The following IL1RAPL2 variants were observed in gnomAD, a reference collection of about 807,000 sequenced individuals.
IL1RAPL2 encodes the protein X-linked interleukin-1 receptor accessory protein-like 2.
A neutral mutation model predicts 44.1 loss-of-function variants in IL1RAPL2; 3 were observed. The observed-to-expected ratio is 0.07, with a 90% CI of 0.03 to 0.18. The LOEUF (loss-of-function observed/expected upper bound fraction) is 0.18. IL1RAPL2 is among the 10% of genes least tolerant of loss of function. IL1RAPL2 has a pLI of 1.00. For missense variants in IL1RAPL2, 391 were observed against 496.4 expected (o/e 0.79, Z 2.02); for synonymous variants, 181 against 178.8 (o/e 1.01, Z -0.10).
intron 5 of IL1RAPL2, among the ~76,000 whole-genome samples, chrX:105,273,916 AAAACTT>A (rs2034466098): frequency 8.9e-6 from 1 of 111,894 alleles, no homozygotes; most frequent in Non-Finnish European, 1.9e-5. Context: ...GAAATAAACT[AAAACTT>A]AGGTGAAATG....
chrX:105,530,042 C>A (rs2036621809), intron 6 of IL1RAPL2, among the ~76,000 whole-genome samples: 1 of 112,021 alleles, frequency 8.9e-6, no homozygotes, highest in South Asian at 3.7e-4. Context: ...GTGCAAATAT[C>A]TATTCTAGTC....
chrX:104,574,382 C>T (rs1363601413), intron 1 of IL1RAPL2, among the ~76,000 whole-genome samples: 3 of 110,577 alleles, frequency 2.7e-5, no homozygotes, highest in African/African-American at 1.0e-4. Flanking sequence ...ATAGTTTTCA[C>T]ATATCAGATT....
At position 105,379,442 on chromosome X, in the gene IL1RAPL2, A is replaced by G. The variant is rs190416137; in HGVS notation, c.698-104871A>G. ...AGATTGGAGCTGTAAGCAATGAAGT[A>G]AAAGTAAAAGAGATGAACATGAAAC... On this transcript the variant is annotated intron_variant, in intron 5 of 10. Transcript: ENST00000372582. Among the ~76,000 whole-genome samples, 23 of 112,108 alleles carry G rather than the reference A, an allele frequency of 2.1e-4. No homozygotes were observed. In the Admixed American group the frequency reaches 2.2e-3, roughly 11 times the overall value.
Position 105,483,017 on chromosome X carries a change from C to T in IL1RAPL2, c.698-1296C>T, listed in dbSNP as rs890870347. ...ACTGAGTCCTCTCATTTCTTTCTTC[C>T]AGGTGCCTCTCAGATTTGTCCTCTC... On this transcript the variant is annotated intron_variant, in intron 5 of 10. Coordinates refer to ENST00000372582, the MANE Select transcript of IL1RAPL2 (RefSeq NM_017416.2). Among the ~76,000 whole-genome samples, 3 of 107,119 alleles carry T rather than the reference C, an allele frequency of 2.8e-5. 1 individual carries two copies. In the South Asian group the frequency reaches 1.3e-3, roughly 45 times the overall value. The allele number at this position is 107,119 out of a possible 115,157, so 93.0% of individuals were successfully genotyped here.
intron 6 of IL1RAPL2, among the ~76,000 whole-genome samples, chrX:105,530,721 C>A (rs955638413): frequency 9.0e-5 from 9 of 99,867 alleles, no homozygotes; most frequent in Non-Finnish European, 1.4e-4. Flanking sequence ...TCCCTTCCCC[C>A]CCGCCCCCAC....
chrX:105,702,193 C>A (rs1234583649), intron 6 of IL1RAPL2, among the ~76,000 whole-genome samples: 1 of 111,450 alleles, frequency 9.0e-6, no homozygotes, highest in African/African-American at 3.3e-5. Flanking sequence ...GTGTATTTGA[C>A]TGCAGAAAAA....
At position 105,213,356 on chromosome X, in the gene IL1RAPL2, T is replaced by C. The variant is rs182742625; in HGVS notation, c.356+17608T>C. 4.7e-5 allele frequency among the ~76,000 whole-genome samples: 5 copies of C among 107,359 alleles called. No homozygotes were observed. In the East Asian group the frequency reaches 1.2e-3, roughly 26 times the overall value. 93.2% of individuals were successfully genotyped at this position (107,359 alleles called of 115,157 possible). ...ACACAAGTATCAATAGCCAAACTGA[T>C]CAAGCAGAAGAAAGGATATGAGAGA... On this transcript the variant is annotated intron_variant, in intron 3 of 10. Coordinates refer to ENST00000372582, the MANE Select transcript of IL1RAPL2 (RefSeq NM_017416.2).
intron 1 of IL1RAPL2, among the ~76,000 whole-genome samples, chrX:104,577,900 G>A (rs1368339303): frequency 9.0e-6 from 1 of 111,296 alleles, no homozygotes; most frequent in Non-Finnish European, 1.9e-5. Flanking sequence ...TGTCATAGAA[G>A]GCAGTTACAA....
chrX:105,499,008 T>C (rs1005610570), intron 6 of IL1RAPL2, among the ~76,000 whole-genome samples: 14 of 110,933 alleles, frequency 1.3e-4, no homozygotes, highest in Non-Finnish European at 1.1e-4. Flanking sequence ...GGATCTAGGC[T>C]GCGTGCTCCT....
chrX:104,883,034 TC>T lies in IL1RAPL2; in HGVS notation c.82+224041del, dbSNP rs1434164841. The stretch of plus-strand genomic sequence containing the variant: ...CATCTGAAGATCTGAAGGAACAAAC[TC>T]CGGACACACCATCTTTAAGAACTGT... On this transcript the variant is annotated intron_variant, in intron 2 of 10. Transcript: ENST00000372582. 4.5e-5 allele frequency among the ~76,000 whole-genome samples: 5 copies of T among 111,310 alleles called. No homozygotes were observed. In the East Asian group the frequency reaches 1.1e-3, roughly 25 times the overall value.
At chrX:104,862,534 C>G (rs534913534) in intron 2 of IL1RAPL2, among the ~76,000 whole-genome samples, 1 of 110,082 alleles carries the variant, frequency 9.1e-6, no homozygotes, top group African/African-American at 3.3e-5. Flanking sequence ...AGACTTCTAC[C>G]AACAAACCAA....
At chrX:104,839,906 T>TG (rs1921855895) in intron 2 of IL1RAPL2, among the ~76,000 whole-genome samples, 1 of 111,951 alleles carries the variant, frequency 8.9e-6, no homozygotes, top group Non-Finnish European at 1.9e-5. Context: ...AGATCAGTGG[T>TG]GATATGTCCT....
intron 1 of IL1RAPL2, among the ~76,000 whole-genome samples, chrX:104,592,876 T>C (rs1163737720): frequency 8.9e-6 from 1 of 111,882 alleles, no homozygotes; most frequent in Non-Finnish European, 1.9e-5. Context: ...TTCATGAACA[T>C]TTCTAGGATT....
chrX:104,637,655 A>G (rs757334236), intron 1 of IL1RAPL2, among the ~76,000 whole-genome samples: 19 of 111,335 alleles, frequency 1.7e-4, no homozygotes, highest in Non-Finnish European at 3.2e-4. Context: ...CAACCCTGGA[A>G]TAAATCTCAC....
At chrX:104,631,084 C>A (rs575877579) in intron 1 of IL1RAPL2, among the ~76,000 whole-genome samples, 3 of 110,696 alleles carry the variant, frequency 2.7e-5, no homozygotes, top group Non-Finnish European at 5.7e-5. Flanking sequence ...TGAGAATATG[C>A]GGTGTTTGGT....
intron 2 of IL1RAPL2, among the ~76,000 whole-genome samples, chrX:105,186,625 A>G (rs1352565694): frequency 8.9e-6 from 1 of 111,793 alleles, no homozygotes; most frequent in Non-Finnish European, 1.9e-5. Flanking sequence ...GATTTTGACT[A>G]TTCAGCATGG....
intron 2 of IL1RAPL2, among the ~76,000 whole-genome samples, chrX:105,107,331 T>C (rs1274171289): frequency 8.9e-6 from 1 of 112,212 alleles, no homozygotes; most frequent in Non-Finnish European, 1.9e-5. Context: ...GTCAGGGCTT[T>C]GCCACTGATC....
intron 2 of IL1RAPL2, among the ~76,000 whole-genome samples, chrX:105,037,880 A>G (rs1048099751): frequency 9.0e-6 from 1 of 111,505 alleles, no homozygotes; most frequent in African/African-American, 3.3e-5. Context: ...CCACACCTCT[A>G]ACTGACTTTT....
intron 5 of IL1RAPL2, among the ~76,000 whole-genome samples, chrX:105,424,665 G>A (rs749192299): frequency 3.6e-5 from 4 of 109,775 alleles, no homozygotes; most frequent in African/African-American, 6.6e-5. Flanking sequence ...CAGGAGAATC[G>A]CCTGAACCCG....
Sources: allele counts gnomAD v4.1 joint callset (sites outside exome capture counted in the v4.1 genomes callset), GRCh38; gene constraint gnomAD v4.1.1; transcripts MANE v1.5; gene names NCBI Gene and HGNC (gene_info 2026-07-23, HGNC 2026-07-21).